The following IKZF5 variants were observed in gnomAD, a reference collection of about 807,000 sequenced individuals.
IKZF5 encodes the protein IKAROS family zinc finger 5.
In IKZF5, 4 loss-of-function variants were observed where a neutral mutation model predicts 30.7. That is an observed-to-expected ratio of 0.13 (90% CI 0.06 to 0.30). IKZF5 has a LOEUF of 0.30. IKZF5 is among the 10% of genes least tolerant of loss of function. The pLI is 1.00. For missense variants in IKZF5, 348 were observed against 525.5 expected (o/e 0.66, Z 3.30); for synonymous variants, 148 against 179.6 (o/e 0.82, Z 1.41).
At chr10:122,996,389 A>T (rs1258920882) in intron 3 of IKZF5, among the ~76,000 whole-genome samples, 2 of 152,074 alleles carry the variant, frequency 1.3e-5, no homozygotes, top group Non-Finnish European at 2.9e-5. Flanking sequence ...TTATTGGGGG[A>T]TCTCAAATTA....
At chr10:123,001,115 C>T (rs1407845345) in intron 2 of IKZF5, among the ~76,000 whole-genome samples, 8 of 151,882 alleles carry the variant, frequency 5.3e-5, no homozygotes, top group African/African-American at 1.9e-4. Context: ...GTTCACGCCA[C>T]CTGCCTCAGC....
chr10:122,997,861 C>G (rs749975469), intron 3 of IKZF5, among the ~76,000 whole-genome samples: 2 of 152,200 alleles, frequency 1.3e-5, no homozygotes, highest in Non-Finnish European at 2.9e-5. Flanking sequence ...CTCCTTTTGA[C>G]ACTTTTAAAA....
chr10:122,996,325 G>A (rs1849371655), intron 3 of IKZF5, 149 bp from the exon 4 acceptor site: 1 of 651,108 alleles, frequency 1.5e-6, no homozygotes, highest in Non-Finnish European at 2.6e-6. Context: ...TCTGAACTGA[G>A]GCTAATTTTA....
At chr10:123,004,209 C>A (rs1247929532) in intron 2 of IKZF5, among the ~76,000 whole-genome samples, 11 of 151,988 alleles carry the variant, frequency 7.2e-5, no homozygotes, top group Admixed American at 7.2e-4. Context: ...TGTCTGCGTT[C>A]TAATTATAAA....
intron 2 of IKZF5, among the ~76,000 whole-genome samples, chr10:123,005,224 GTAA>G (rs1405246822): frequency 6.6e-6 from 1 of 152,142 alleles, no homozygotes; most frequent in Non-Finnish European, 1.5e-5. Context: ...TGTCTTTGAT[GTAA>G]TTATCATCAG....
intron 2 of IKZF5, among the ~76,000 whole-genome samples, chr10:123,004,406 TG>T (rs66518916): frequency 0.43 from 65,518 of 151,648 alleles, 15,879 homozygotes; most frequent in Non-Finnish European, 0.56. Context: ...CAGTACAACG[TG>T]ACAGTGCAGT....
intron 1 of IKZF5, among the ~76,000 whole-genome samples, chr10:123,007,952 C>CCAG (rs993219570): frequency 6.6e-5 from 10 of 152,086 alleles, no homozygotes; most frequent in African/African-American, 2.2e-4. Context: ...CGGGTTCTGA[C>CCAG]CAGCACATCA....
Position 122,996,147 on chromosome 10 carries a change from C to T in IKZF5, c.163G>A (p.Asp55Asn). 6.2e-7 allele frequency: 1 copy of T among 1,613,798 alleles called. No homozygotes were observed. Residue 55 changes from aspartate to asparagine, a missense_variant, in exon 4 of 5, where the codon GAT becomes AAT. Transcript: ENST00000368886. ...AGTDGDQNGLDHPSVEVSLDE... is the reference protein window; with the variant it reads ...AGTDGDQNGLNHPSVEVSLDE... ...AAGGAAACTTCAACAGATGGGTGAT[C>T]AAGTCCATTTTGATCACCATCTGTT...
Position 122,994,764 on chromosome 10 carries a change from T to TTTC in IKZF5, c.317-42_317-41insGAA. ...AATGATGGAGAAACTACAAGAGTAG[T>TTTC]TCATTTATGGAAAGTTTTGCTTGTC... On this transcript the variant is annotated intron_variant, in intron 4 of 4. Coordinates refer to ENST00000368886, the MANE Select transcript of IKZF5 (RefSeq NM_001372123.1). The surrounding 1 kb of genome is among the most constrained non-coding windows in gnomAD (Gnocchi z 5.6). 6.7e-7 allele frequency: 1 copy of TTTC among 1,486,652 alleles called. No homozygotes were observed. Among genetic ancestry groups the TTTC allele is most frequent in the Non-Finnish European group, 9.1e-7 (1 of 1,102,186 alleles). The allele number at this position is 1,486,652 out of a possible 1,614,324, so 92.1% of individuals were successfully genotyped here.
In IKZF5 at chr10:122,998,626, C is replaced by G. The variant is rs759528056; in HGVS notation, c.-1G>C. ...AAGGCTCTGGTTTTTTTTCACCCAT[C>G]TTTGCTTTTTTAACATTTACAGTTT... On this transcript the variant is annotated 5_prime_UTR_variant, in exon 3 of 5. Transcript: ENST00000368886. 1.2e-6 allele frequency: 2 copies of G among 1,610,934 alleles called. No individual in the cohort carries two copies. Among genetic ancestry groups the G allele is most frequent in the Admixed American group, 3.4e-5 (2 of 59,292 alleles).
chr10:123,000,495 A>G (rs1849543253), intron 2 of IKZF5, among the ~76,000 whole-genome samples: 1 of 152,248 alleles, frequency 6.6e-6, no homozygotes, highest in African/African-American at 2.4e-5. Flanking sequence ...GGTAATTTCC[A>G]GTAATTGGCT....
intron 2 of IKZF5, among the ~76,000 whole-genome samples, chr10:122,999,786 C>G (rs1849517120): frequency 6.6e-6 from 1 of 152,190 alleles, no homozygotes; most frequent in South Asian, 2.1e-4. Flanking sequence ...ACAAGCTGGT[C>G]TTCACATAGG....
intron 2 of IKZF5, among the ~76,000 whole-genome samples, chr10:123,006,595 A>C (rs1303990330): frequency 6.6e-6 from 1 of 152,176 alleles, no homozygotes; most frequent in Non-Finnish European, 1.5e-5. Flanking sequence ...GAACAGCAGG[A>C]TATGTTTCGT....
intron 2 of IKZF5, among the ~76,000 whole-genome samples, chr10:123,003,484 AG>A (rs761773281): frequency 1.2e-4 from 18 of 152,214 alleles, no homozygotes; most frequent in Non-Finnish European, 1.9e-4. Flanking sequence ...GACTATGAAC[AG>A]GGACCTCTCT....
intron 3 of IKZF5, among the ~76,000 whole-genome samples, chr10:122,997,756 T>C (rs1262583396): frequency 2.0e-5 from 3 of 152,248 alleles, no homozygotes; most frequent in Non-Finnish European, 2.9e-5. Flanking sequence ...ACAGAAAATA[T>C]GTAAACAAAT....
At chr10:122,995,646 T>G (rs572990149) in intron 4 of IKZF5, among the ~76,000 whole-genome samples, 1 of 152,310 alleles carries the variant, frequency 6.6e-6, no homozygotes, top group African/African-American at 2.4e-5. Context: ...TTTCCCCCTT[T>G]CGGCAAATGA....
Position 122,994,988 on chromosome 10 carries a change from C to A in IKZF5, c.317-265G>T. The stretch of plus-strand genomic sequence containing the variant: ...ATAAAAACTGTTATGGCTTCGAATG[C>A]ATTTAGAGAGAAGAAACAGTACAAT... On this transcript the variant is annotated intron_variant, in intron 4 of 4. Transcript: ENST00000368886. The surrounding 1 kb of genome is among the most constrained non-coding windows in gnomAD (Gnocchi z 5.6). The A allele has an allele frequency of 2.7e-6, 1 of 377,088 alleles. No individual in the cohort carries two copies. Among genetic ancestry groups the A allele is most frequent in the Non-Finnish European group, 4.7e-6 (1 of 210,662 alleles). 23.4% of individuals were successfully genotyped at this position (377,088 alleles called of 1,614,324 possible).
intron 2 of IKZF5, 62 bp from the exon 3 acceptor site, chr10:122,998,733 T>C: frequency 1.1e-6 from 1 of 946,256 alleles, no homozygotes; most frequent in Non-Finnish European, 1.6e-6. Context: ...ACAAAAGCTA[T>C]TTTGTGCAAG....
At chr10:123,001,962 C>A (rs1361891630) in intron 2 of IKZF5, among the ~76,000 whole-genome samples, 3 of 152,242 alleles carry the variant, frequency 2.0e-5, no homozygotes, top group African/African-American at 7.2e-5. Context: ...CAACATTTGA[C>A]ATACCATTAA....
Sources: gnomAD v4.1 joint callset for allele counts (sites outside exome capture counted in the v4.1 genomes callset) on GRCh38, gnomAD v4.1.1 for gene constraint, Gnocchi (gnomAD v3.1) non-coding constraint, MANE v1.5 for transcripts, NCBI Gene and HGNC (gene_info 2026-07-23, HGNC 2026-07-21) for gene names.